The following FTO variants were observed in gnomAD, a reference collection of about 807,000 sequenced individuals.
FTO encodes the protein FTO alpha-ketoglutarate dependent dioxygenase, also known as alpha-ketoglutarate-dependent dioxygenase FTO.
In FTO, 47 loss-of-function variants were observed where a neutral mutation model predicts 63.9. That is an observed-to-expected ratio of 0.74 (90% CI 0.58 to 0.94). The LOEUF is 0.94. Among genes scored for constraint, FTO ranks in the 40% least tolerant of loss-of-function variants. The pLI, the probability that FTO is intolerant of heterozygous loss-of-function variation, is 0.00. For missense variants in FTO, 562 were observed against 618.1 expected (o/e 0.91, Z 0.96); for synonymous variants, 207 against 224.4 (o/e 0.92, Z 0.69).
chr16:53,836,419 T>C (rs896384581), intron 3 of FTO, among the ~76,000 whole-genome samples: 7 of 152,220 alleles, frequency 4.6e-5, no homozygotes, highest in Admixed American at 4.6e-4. Flanking sequence ...TGTAAACTTG[T>C]AAGCTCCTAA....
chr16:53,859,563 A>G (rs2080111177), intron 4 of FTO, among the ~76,000 whole-genome samples: 1 of 149,538 alleles, frequency 6.7e-6, no homozygotes, highest in African/African-American at 2.4e-5. Context: ...TTATATATAT[A>G]TCATATATAA....
In FTO at chr16:53,940,424, C is replaced by T. The variant is rs74474079; in HGVS notation, c.1364+6315C>T. ...GCTGTCATTAAATTGCAGCAGTGCACGTTTCCCCGTTACCATGGTCAGGCC... is the reference window on the plus strand; with the variant it reads ...GCTGTCATTAAATTGCAGCAGTGCATGTTTCCCCGTTACCATGGTCAGGCC... On this transcript the variant is annotated intron_variant, in intron 8 of 8. Coordinates refer to ENST00000471389, the MANE Select transcript of FTO (RefSeq NM_001080432.3). Among the ~76,000 whole-genome samples, 10 of 152,270 alleles carry T rather than the reference C, an allele frequency of 6.6e-5. No individual in the cohort carries two copies. The East Asian group carries it at 1.4e-3, about 21-fold the overall frequency.
At chr16:53,743,942 TA>T (rs1197639800) in intron 1 of FTO, among the ~76,000 whole-genome samples, 2 of 152,132 alleles carry the variant, frequency 1.3e-5, no homozygotes, top group Non-Finnish European at 2.9e-5. Flanking sequence ...AGTTTTGACT[TA>T]AGTCAATATA....
At chr16:54,005,491 G>T (rs1350388743) in intron 8 of FTO, among the ~76,000 whole-genome samples, 2 of 151,356 alleles carry the variant, frequency 1.3e-5, no homozygotes, top group African/African-American at 4.8e-5. Flanking sequence ...ATATAACATA[G>T]CTGTGTCCCA....
At chr16:53,867,919 C>T (rs982990529) in intron 4 of FTO, among the ~76,000 whole-genome samples, 1 of 151,992 alleles carries the variant, frequency 6.6e-6, no homozygotes, top group African/African-American at 2.4e-5. Flanking sequence ...GAGAATTTAC[C>T]ACTTTATCAT....
intron 4 of FTO, among the ~76,000 whole-genome samples, chr16:53,848,155 C>T (rs1480574138): frequency 6.6e-6 from 1 of 152,030 alleles, no homozygotes; most frequent in Non-Finnish European, 1.5e-5. Context: ...AAAGTAAAAG[C>T]AACCATGGTC....
intron 8 of FTO, among the ~76,000 whole-genome samples, chr16:54,088,268 T>A (rs1349680019): frequency 6.6e-6 from 1 of 152,236 alleles, no homozygotes; most frequent in Non-Finnish European, 1.5e-5. Flanking sequence ...CTCAATAATA[T>A]GCCTTATGTT....
intron 8 of FTO, among the ~76,000 whole-genome samples, chr16:54,029,418 G>A (rs2084781710): frequency 6.6e-6 from 1 of 152,116 alleles, no homozygotes; most frequent in Admixed American, 6.5e-5. Context: ...ACAGTTCATG[G>A]AGGAAGAAAA....
chr16:53,932,395 T>A (rs2082305028), intron 7 of FTO, among the ~76,000 whole-genome samples: 1 of 151,654 alleles, frequency 6.6e-6, no homozygotes, highest in African/African-American at 2.4e-5. Context: ...TGATGTGGTT[T>A]TTTTTTTTTT....
chr16:54,098,793 T>C lies in FTO; in HGVS notation c.1365-12969T>C, dbSNP rs185446072. On this transcript the variant is annotated intron_variant, in intron 8 of 8. Transcript: ENST00000471389. Reference sequence around the variant, plus strand: ...TATTTTCATAACTGTATTCGTTACTTACATGACTGCTATTATTTACTCAGA... The same window carrying C: ...TATTTTCATAACTGTATTCGTTACTCACATGACTGCTATTATTTACTCAGA... Among the ~76,000 whole-genome samples the C allele has an allele frequency of 1.8e-3, 281 of 152,356 alleles. 2 individuals are homozygous for C. Among genetic ancestry groups the C allele is most frequent in the African/African-American group, 5.9e-3 (247 of 41,594 alleles).
intron 4 of FTO, among the ~76,000 whole-genome samples, chr16:53,855,682 G>T (rs1162345491): frequency 1.3e-5 from 2 of 152,140 alleles, no homozygotes; most frequent in Admixed American, 1.3e-4. Flanking sequence ...AATGCTTGGA[G>T]ATTACCAGAG....
chr16:53,753,110 G>C (rs1225971163), intron 1 of FTO, among the ~76,000 whole-genome samples: 1 of 151,804 alleles, frequency 6.6e-6, no homozygotes, highest in Non-Finnish European at 1.5e-5. Flanking sequence ...AATATTTGCT[G>C]TGCATGATGG....
chr16:53,966,515 G>C (rs1212142533), intron 8 of FTO, among the ~76,000 whole-genome samples: 1 of 152,216 alleles, frequency 6.6e-6, no homozygotes, highest in African/African-American at 2.4e-5. Context: ...TGAAACCACA[G>C]TTTGATTTCT....
In FTO at chr16:54,076,041, A is replaced by G. The variant is rs115378978; in HGVS notation, c.1365-35721A>G. Among the ~76,000 whole-genome samples, 986 of 152,228 alleles carry G rather than the reference A, an allele frequency of 6.5e-3. 4 individuals are homozygous for G. Among genetic ancestry groups the G allele is most frequent in the African/African-American group, 0.022 (906 of 41,540 alleles). On this transcript the variant is annotated intron_variant, in intron 8 of 8. Coordinates refer to ENST00000471389, the MANE Select transcript of FTO (RefSeq NM_001080432.3). ...GAGTGCAGGCTTGGGACGGTTAATG[A>G]CAATCCTCCAAGACAAGCAGGACTT...
intron 1 of FTO, among the ~76,000 whole-genome samples, chr16:53,761,559 C>T (rs1288628804): frequency 2.0e-5 from 3 of 152,140 alleles, no homozygotes; most frequent in South Asian, 2.1e-4. Flanking sequence ...TGAAAATCAA[C>T]GTAAGAAAAC....
At chr16:53,842,540 G>C (rs1235759237) in intron 3 of FTO, among the ~76,000 whole-genome samples, 1 of 152,004 alleles carries the variant, frequency 6.6e-6, no homozygotes, top group African/African-American at 2.4e-5. Context: ...AACTAGTCTT[G>C]AGTATCCTTC....
chr16:53,984,321 CTTT>C (rs5816913), intron 8 of FTO, among the ~76,000 whole-genome samples: 3 of 67,316 alleles, frequency 4.5e-5, no homozygotes, highest in East Asian at 5.7e-4. Flanking sequence ...TGGAATGGGT[CTTT>C]TTTTTTTTTT....
intron 8 of FTO, among the ~76,000 whole-genome samples, chr16:53,938,933 C>CA (rs75389919): frequency 0.019 from 2,372 of 125,254 alleles, 45 homozygotes; most frequent in African/African-American, 0.055. Context: ...ACTAAAAATA[C>CA]AAAAAAAAAA....
chr16:53,900,983 A>G (rs889014315), intron 7 of FTO, among the ~76,000 whole-genome samples: 6 of 152,172 alleles, frequency 3.9e-5, no homozygotes, highest in African/African-American at 1.4e-4. Flanking sequence ...TCACCCCTTA[A>G]TGACTGGCTT....
Sources: allele counts gnomAD v4.1 joint callset (sites outside exome capture counted in the v4.1 genomes callset), GRCh38; gene constraint gnomAD v4.1.1; transcripts MANE v1.5; gene names NCBI Gene and HGNC (gene_info 2026-07-23, HGNC 2026-07-21).